Variants in ADAMTS17 observed in about 807,000 individuals in gnomAD.
The protein encoded by ADAMTS17 is A disintegrin and metalloproteinase with thrombospondin motifs 17.
A neutral mutation model predicts 141.5 loss-of-function variants in ADAMTS17; 113 were observed. That is an observed-to-expected ratio of 0.80 (90% CI 0.69 to 0.93). ADAMTS17 has a LOEUF of 0.93. Among genes scored for constraint, ADAMTS17 ranks in the 40% least tolerant of loss-of-function variants. The pLI is 0.00. For missense variants in ADAMTS17, 1,659 were observed against 1,517.9 expected (o/e 1.09, Z -1.54); for synonymous variants, 768 against 630.6 (o/e 1.22, Z -3.27).
chr15:100,039,466 T>C (rs1382653593), intron 18 of ADAMTS17, among the ~76,000 whole-genome samples: 2 of 152,224 alleles, frequency 1.3e-5, no homozygotes, highest in Non-Finnish European at 2.9e-5. Flanking sequence ...TCTCAAAATA[T>C]GATTTAGTTT....
At chr15:99,985,487 C>T (rs1322962297) in intron 20 of ADAMTS17, among the ~76,000 whole-genome samples, 2 of 152,202 alleles carry the variant, frequency 1.3e-5, no homozygotes, top group Non-Finnish European at 2.9e-5. Flanking sequence ...GAGATTTACA[C>T]TAAAGTGTAA....
chr15:100,056,391 T>C (rs561738760), intron 15 of ADAMTS17, among the ~76,000 whole-genome samples: 1 of 148,784 alleles, frequency 6.7e-6, no homozygotes, highest in Admixed American at 6.8e-5. Context: ...TTTTTGGGAC[T>C]AGGGACTGGT....
At chr15:100,291,095 A>G (rs1355397092) in intron 3 of ADAMTS17, among the ~76,000 whole-genome samples, 1 of 152,256 alleles carries the variant, frequency 6.6e-6, no homozygotes, top group East Asian at 1.9e-4. Flanking sequence ...AATATTTGCA[A>G]ACTATGTATC....
rs2046032785 is a variant in ADAMTS17, at chr15:100,330,945, G to A, written c.560C>T (p.Thr187Ile). ...EHLIRRKWSL[T>I]PSPSAEAQRP... Reference sequence around the variant, plus strand: ...CTGGGCCTCAGCAGAAGGGCTGGGGGTCAAGGACCATTTGCGCCTGATCAG... The same window carrying A: ...CTGGGCCTCAGCAGAAGGGCTGGGGATCAAGGACCATTTGCGCCTGATCAG... Residue 187 changes from threonine (T) to isoleucine (I), a missense_variant, in exon 3 of 22, where the codon ACC becomes ATC. Coordinates refer to ENST00000268070, the MANE Select transcript of ADAMTS17 (RefSeq NM_139057.4). The A allele has an allele frequency of 6.2e-7, 1 of 1,614,060 alleles. No individual in the cohort carries two copies. The highest frequency in any genetic ancestry group is 1.3e-5 in the African/African-American group (1 of 74,906).
intron 18 of ADAMTS17, among the ~76,000 whole-genome samples, chr15:100,001,526 G>A (rs925063287): frequency 1.3e-5 from 2 of 152,160 alleles, no homozygotes; most frequent in African/African-American, 2.4e-5. Context: ...TGTGGGTGAC[G>A]ATGATGTCGT....
intron 3 of ADAMTS17, among the ~76,000 whole-genome samples, chr15:100,300,934 C>T (rs1264904449): frequency 6.6e-6 from 1 of 152,226 alleles, no homozygotes; most frequent in African/African-American, 2.4e-5. Flanking sequence ...GGAGCACTCA[C>T]TATTTGTCAT....
intron 3 of ADAMTS17, among the ~76,000 whole-genome samples, chr15:100,301,024 A>G (rs2045013517): frequency 6.6e-6 from 1 of 152,226 alleles, no homozygotes; most frequent in Admixed American, 6.5e-5. Context: ...CTCCAAACCT[A>G]GTGCCTAGCA....
At chr15:100,341,679 TC>T in intron 1 of ADAMTS17, 141 bp downstream of exon 1, 1 of 1,120,216 alleles carries the variant, frequency 8.9e-7, no homozygotes, top group African/African-American at 1.7e-5. Context: ...ATTCCCGTAC[TC>T]CGGCCGCGGC....
intron 4 of ADAMTS17, among the ~76,000 whole-genome samples, chr15:100,275,676 T>C (rs1168752611): frequency 1.3e-5 from 2 of 151,908 alleles, no homozygotes; most frequent in Non-Finnish European, 2.9e-5. Flanking sequence ...CTCTGTAAAA[T>C]GGGAATGACG....
intron 3 of ADAMTS17, among the ~76,000 whole-genome samples, chr15:100,297,376 C>T (rs553080641): frequency 1.6e-3 from 240 of 152,280 alleles, no homozygotes; most frequent in Middle Eastern, 3.4e-3. Context: ...GTCCTTATGG[C>T]TTCTGTGGGC....
chr15:100,213,152 C>T (rs1175155001), intron 7 of ADAMTS17, among the ~76,000 whole-genome samples: 1 of 152,084 alleles, frequency 6.6e-6, no homozygotes, highest in Non-Finnish European at 1.5e-5. Context: ...GTTCCCTGGT[C>T]CCAACTGCAG....
At chr15:100,040,677 A>AC (rs1199415024) in intron 18 of ADAMTS17, among the ~76,000 whole-genome samples, 1 of 137,316 alleles carries the variant, frequency 7.3e-6, no homozygotes, top group African/African-American at 3.5e-5. Flanking sequence ...TGGTCAAATG[A>AC]CCAAAAAAAA....
intron 19 of ADAMTS17, among the ~76,000 whole-genome samples, chr15:99,995,358 C>G (rs1371804385): frequency 6.6e-6 from 1 of 152,224 alleles, no homozygotes; most frequent in Non-Finnish European, 1.5e-5. Context: ...CCTTGAATTT[C>G]AAGCTCTGAA....
At chr15:100,145,296 C>T (rs561156161) in intron 10 of ADAMTS17, among the ~76,000 whole-genome samples, 1 of 152,188 alleles carries the variant, frequency 6.6e-6, no homozygotes, top group African/African-American at 2.4e-5. Context: ...TCAATTCCTA[C>T]ATATGAATGG....
At chr15:100,152,506 G>T in intron 10 of ADAMTS17, 106 bp downstream of exon 10, 1 of 1,456,720 alleles carries the variant, frequency 6.9e-7, no homozygotes, top group Non-Finnish European at 9.5e-7. Flanking sequence ...GTGTGTATGT[G>T]CCTGTGCTGA....
rs1225250720 is a variant in ADAMTS17, at chr15:99,993,186, A to G, written c.2811T>C (p.Cys937=). 1.2e-6 allele frequency: 2 copies of G among 1,613,830 alleles called. No individual in the cohort carries two copies. The highest frequency in any genetic ancestry group is 1.7e-6 in the Non-Finnish European group (2 of 1,179,986). Residue 937 remains cysteine, a synonymous_variant, in exon 20 of 22, where the codon TGT becomes TGC. Coordinates refer to ENST00000268070, the MANE Select transcript of ADAMTS17 (RefSeq NM_139057.4). This position sits in a 1 kb window ranked among gnomAD's most constrained non-coding sequence, Gnocchi z 4.3. Reference sequence around the variant, plus strand: ...CGGTCCGTTTCCACACCCCTTTACCACAGCTGGCAGAGCACTGCAAGACAC... The same window carrying G: ...CGGTCCGTTTCCACACCCCTTTACCGCAGCTGGCAGAGCACTGCAAGACAC... The part of the protein sequence containing the change: ...ASEWSQCSAS[C]GKGVWKRTVA...
chr15:100,303,822 A>C (rs950974678), intron 3 of ADAMTS17, among the ~76,000 whole-genome samples: 3 of 152,104 alleles, frequency 2.0e-5, no homozygotes, highest in African/African-American at 7.2e-5. Flanking sequence ...TGGGAGGTTC[A>C]AGCGATTCTT....
intron 7 of ADAMTS17, among the ~76,000 whole-genome samples, chr15:100,253,362 A>AAG (rs2043213129): frequency 1.0e-5 from 1 of 98,686 alleles, no homozygotes; most frequent in East Asian, 3.4e-4. Flanking sequence ...AGGGAGGGGA[A>AAG]GGTAGAGGGG....
chr15:100,131,977 C>A (rs769814731), intron 12 of ADAMTS17, 30 bp downstream of exon 12: 1 of 1,614,136 alleles, frequency 6.2e-7, no homozygotes, highest in Non-Finnish European at 8.5e-7. Context: ...AATCGTGGCA[C>A]GTTGGGGTAT....
Sources: gnomAD v4.1 joint callset for allele counts (sites outside exome capture counted in the v4.1 genomes callset) on GRCh38, gnomAD v4.1.1 for gene constraint, Gnocchi (gnomAD v3.1) non-coding constraint, MANE v1.5 for transcripts, NCBI Gene and HGNC (gene_info 2026-07-23, HGNC 2026-07-21) for gene names.